Variants in RFX8 observed in about 807,000 individuals in gnomAD.
RFX8 encodes regulatory factor X8.
Under a neutral mutation model 54.6 loss-of-function variants are expected in RFX8, and 46 were observed. The ratio of observed to expected loss-of-function variants is 0.84; its 90% CI spans 0.67 to 1.08. RFX8 has a LOEUF of 1.08. Ranked by LOEUF, RFX8 falls within the 50% of genes least tolerant of loss-of-function variation. The pLI is 0.00. For missense variants in RFX8, 536 were observed against 562.3 expected, an observed-to-expected ratio of 0.95 and a Z score of 0.47; for synonymous variants, 192 against 209.5, an observed-to-expected ratio of 0.92 and a Z score of 0.72.
chr2:101,450,346 C>T (rs3898719), intron 2 of RFX8, among the ~76,000 whole-genome samples: 11,360 of 152,168 alleles, frequency 0.075, 736 homozygotes, highest in Non-Finnish European at 0.11. Context: ...CTCAGCCTCT[C>T]GAGTAGCTGA....
At chr2:101,470,053 G>T (rs963521779) in intron 1 of RFX8, among the ~76,000 whole-genome samples, 1 of 152,072 alleles carries the variant, frequency 6.6e-6, no homozygotes, top group African/African-American at 2.4e-5. Flanking sequence ...CAAGCAGAAG[G>T]TTTGAAAGTG....
chr2:101,418,107 G>A (rs1228330272), intron 5 of RFX8, among the ~76,000 whole-genome samples: 1 of 151,948 alleles, frequency 6.6e-6, no homozygotes, highest in Non-Finnish European at 1.5e-5. Context: ...GGCCAGGCTG[G>A]TCTCGAACTC....
At chr2:101,469,824 A>G (rs904659940) in intron 1 of RFX8, among the ~76,000 whole-genome samples, 1 of 152,056 alleles carries the variant, frequency 6.6e-6, no homozygotes, top group African/African-American at 2.4e-5. Flanking sequence ...TACTCTTAAT[A>G]AGAATAATAG....
intron 1 of RFX8, among the ~76,000 whole-genome samples, chr2:101,469,096 A>ATATATATACG (rs1558896928): frequency 1.8e-5 from 2 of 113,460 alleles, no homozygotes; most frequent in African/African-American, 8.2e-5. Context: ...ATATATAAGT[A>ATATATATACG]TATATATATA....
At chr2:101,452,480 T>A in intron 2 of RFX8, 1 of 1,177,246 alleles carries the variant, frequency 8.5e-7, no homozygotes, top group Non-Finnish European at 1.1e-6. Context: ...AGTTGCAACT[T>A]GAAAACTTAG....
At chr2:101,437,028 G>A (rs902113191) in intron 2 of RFX8, among the ~76,000 whole-genome samples, 2 of 152,214 alleles carry the variant, frequency 1.3e-5, no homozygotes, top group Non-Finnish European at 2.9e-5. Flanking sequence ...GGAAAGGGCT[G>A]TGGGATACTT....
At chr2:101,432,197 C>A (rs1222861427) in intron 2 of RFX8, among the ~76,000 whole-genome samples, 1 of 152,104 alleles carries the variant, frequency 6.6e-6, no homozygotes, top group Non-Finnish European at 1.5e-5. Context: ...TTAATGAGAC[C>A]ATATTTATTT....
intron 6 of RFX8, among the ~76,000 whole-genome samples, chr2:101,415,961 C>T (rs1686478308): frequency 6.6e-6 from 1 of 152,172 alleles, no homozygotes; most frequent in South Asian, 2.1e-4. Context: ...TAGAAAATGG[C>T]AGGAATAAGG....
intron 1 of RFX8, among the ~76,000 whole-genome samples, chr2:101,470,951 C>T (rs1162403786): frequency 6.7e-6 from 1 of 150,158 alleles, no homozygotes; most frequent in Non-Finnish European, 1.5e-5. Context: ...GATCTCCTGA[C>T]CTCGTGATCC....
intron 2 of RFX8, among the ~76,000 whole-genome samples, chr2:101,442,161 G>A (rs1020871244): frequency 6.6e-6 from 1 of 152,166 alleles, no homozygotes; most frequent in Non-Finnish European, 1.5e-5. Context: ...CTTTGAGTGA[G>A]GTGTGGAAAT....
chr2:101,475,077 GGA>G lies in RFX8; in HGVS notation c.-496_-495del, dbSNP rs527343424. ...TGTCAGTGTCATTGCTGTGTGACAT[GGA>G]GCTGCTGGCCATCTCCAAGTTCACT... On this transcript the variant is annotated 5_prime_UTR_variant, in exon 1 of 12. The change creates a premature stop within an existing upstream ORF in the 5' untranslated region. Coordinates refer to ENST00000428343, the MANE Select transcript of RFX8 (RefSeq NM_001145664.2). 5.1e-3 allele frequency among the ~76,000 whole-genome samples: 784 copies of G among 152,252 alleles called. 6 individuals carry two copies. Among genetic ancestry groups the G allele is most frequent in the African/African-American group, 0.018 (749 of 41,546 alleles).
At chr2:101,418,779 G>T in intron 5 of RFX8, 72 bp downstream of exon 5, 1 of 885,220 alleles carries the variant, frequency 1.1e-6, no homozygotes, top group Non-Finnish European at 1.9e-6. Flanking sequence ...AGGTGGAGCT[G>T]TGGGTCCAAA....
At chr2:101,466,498 C>T (rs570852143) in intron 2 of RFX8, among the ~76,000 whole-genome samples, 4 of 152,234 alleles carry the variant, frequency 2.6e-5, no homozygotes, top group African/African-American at 9.6e-5. Context: ...GCAAACCTGG[C>T]TCCCTGAGGA....
chr2:101,420,835 CA>C (rs1686822598), intron 4 of RFX8, among the ~76,000 whole-genome samples: 1 of 152,194 alleles, frequency 6.6e-6, no homozygotes, highest in Admixed American at 6.5e-5. Flanking sequence ...GAACTTTCCA[CA>C]TTGCATCATA....
At chr2:101,453,287 AAATAAATAAAAAG>A (rs1688797635) in intron 2 of RFX8, among the ~76,000 whole-genome samples, 6 of 65,742 alleles carry the variant, frequency 9.1e-5, no homozygotes, top group Admixed American at 6.7e-4. Flanking sequence ...AAAAAAAAAT[AAATAAATAAAAAG>A]AGAGAAAAAA....
intron 6 of RFX8, 107 bp from the exon 7 acceptor site, chr2:101,415,019 A>C: frequency 1.2e-6 from 1 of 825,006 alleles, no homozygotes. Context: ...CAGCTGGCTA[A>C]ACTGCAACTT....
At chr2:101,421,454 C>T (rs1274599797) in intron 4 of RFX8, 1 of 1,139,676 alleles carries the variant, frequency 8.8e-7, no homozygotes, top group Non-Finnish European at 1.1e-6. Flanking sequence ...GAATTAGGAT[C>T]TAAAAAATAG....
chr2:101,450,372 A>G (rs1688608948), intron 2 of RFX8, among the ~76,000 whole-genome samples: 1 of 152,124 alleles, frequency 6.6e-6, no homozygotes, highest in Admixed American at 6.5e-5. Context: ...CCGGTGCACA[A>G]CACCATGCCT....
intron 2 of RFX8, among the ~76,000 whole-genome samples, chr2:101,445,465 T>G (rs769013563): frequency 1.4e-4 from 22 of 151,998 alleles, no homozygotes; most frequent in Non-Finnish European, 2.6e-4. Flanking sequence ...TGATCATAGC[T>G]CACTGCAGCC....
Sources: allele counts gnomAD v4.1 joint callset (sites outside exome capture counted in the v4.1 genomes callset), GRCh38; gene constraint gnomAD v4.1.1; transcripts MANE v1.5; gene names NCBI Gene and HGNC (gene_info 2026-07-23, HGNC 2026-07-21).